Variants in ACTR3B observed in about 807,000 individuals in gnomAD.
ACTR3B encodes the protein actin related protein 3B.
Under a neutral mutation model 59.0 loss-of-function variants are expected in ACTR3B, and 8 were observed. The observed-to-expected ratio is 0.14, with a 90% CI of 0.08 to 0.24. The LOEUF is 0.24. Among genes scored for constraint, ACTR3B ranks in the 10% least tolerant of loss-of-function variants. ACTR3B has a pLI of 1.00. For synonymous variants in ACTR3B, 148 were observed against 197.9 expected, an observed-to-expected ratio of 0.75 and a Z score of 2.12; for missense variants, 245 against 552.3, an observed-to-expected ratio of 0.44 and a Z score of 5.58.
chr7:152,799,576 T>C (rs983298520), intron 2 of ACTR3B, among the ~76,000 whole-genome samples: 4 of 152,238 alleles, frequency 2.6e-5, no homozygotes, highest in Admixed American at 6.5e-5. Flanking sequence ...ATGGGGGTTA[T>C]CTGATGTCAA....
chr7:152,852,936 T>A (rs575914716), intron 10 of ACTR3B, among the ~76,000 whole-genome samples: 1 of 151,894 alleles, frequency 6.6e-6, no homozygotes. Flanking sequence ...GGACTACAGG[T>A]GCCCGCCACC....
chr7:152,782,207 A>G (rs2098156307), intron 1 of ACTR3B, among the ~76,000 whole-genome samples: 1 of 150,500 alleles, frequency 6.6e-6, no homozygotes, highest in African/African-American at 2.4e-5. Flanking sequence ...AAATTGAATG[A>G]ATAAAGTTAG....
intron 4 of ACTR3B, among the ~76,000 whole-genome samples, chr7:152,806,774 C>T (rs543825122): frequency 7.8e-4 from 119 of 152,336 alleles, no homozygotes; most frequent in African/African-American, 2.9e-3. Context: ...CTTAGTCATC[C>T]CTGTCCACAA....
chr7:152,787,130 C>G (rs1312283308), intron 2 of ACTR3B, among the ~76,000 whole-genome samples: 1 of 152,142 alleles, frequency 6.6e-6, no homozygotes, highest in East Asian at 1.9e-4. Context: ...GGAGGCTGTT[C>G]TGATGGATAT....
intron 9 of ACTR3B, among the ~76,000 whole-genome samples, chr7:152,831,912 C>T (rs1423544526): frequency 2.0e-5 from 3 of 152,250 alleles, no homozygotes; most frequent in East Asian, 1.9e-4. Context: ...GGAGGGGCCT[C>T]GCATGGAGTT....
At chr7:152,853,458 G>A (rs564738388) in intron 10 of ACTR3B, 36 bp from the exon 11 acceptor site, 4 of 1,594,030 alleles carry the variant, frequency 2.5e-6, no homozygotes, top group Non-Finnish European at 3.4e-6. Context: ...ATGTGTCTGT[G>A]GGTGTGGGGT....
In ACTR3B at chr7:152,855,160, T is replaced by G. The variant is rs1318679268; in HGVS notation, c.*607T>G. 6.5e-6 allele frequency: 1 copy of G among 152,738 alleles called. No individual in the cohort carries two copies. Among genetic ancestry groups the G allele is most frequent in the Non-Finnish European group, 1.5e-5 (1 of 68,110 alleles). 9.5% of individuals were successfully genotyped at this position (152,738 alleles called of 1,614,324 possible). A position where few individuals can be genotyped will look rare whatever the true frequency, so the allele number is the denominator to read the frequency against. On this transcript the variant is annotated 3_prime_UTR_variant, in exon 12 of 12. Transcript: ENST00000256001. ...AAACAGCAAACTTTTTTGCCACATGTTTGCTAGAAAATGATTATACTTTAT... is the reference window on the plus strand; with the variant it reads ...AAACAGCAAACTTTTTTGCCACATGGTTGCTAGAAAATGATTATACTTTAT...
At chr7:152,773,991 G>A (rs1307495214) in intron 1 of ACTR3B, among the ~76,000 whole-genome samples, 1 of 152,160 alleles carries the variant, frequency 6.6e-6, no homozygotes, top group Non-Finnish European at 1.5e-5. Context: ...AGTGTGTTGG[G>A]CTCGTTCTCA....
Position 152,854,057 on chromosome 7 carries a change from A to G in ACTR3B, c.1162-401A>G, listed in dbSNP as rs1332296032. Among the ~76,000 whole-genome samples the G allele has an allele frequency of 6.6e-6, 1 of 152,222 alleles. No individual in the cohort carries two copies. The highest frequency in any genetic ancestry group is 1.5e-5 in the Non-Finnish European group (1 of 68,036). On this transcript the variant is annotated intron_variant, in intron 11 of 11. Coordinates refer to ENST00000256001, the MANE Select transcript of ACTR3B (RefSeq NM_020445.6). This position sits in a 1 kb window ranked among gnomAD's most constrained non-coding sequence, Gnocchi z 4.9. ...ATAAACTATATCTTAATAATCACAC[A>G]ACACATTTATCACGTGTCCTTGCTA...
intron 1 of ACTR3B, among the ~76,000 whole-genome samples, chr7:152,766,930 G>A (rs571809868): frequency 4.1e-4 from 63 of 152,186 alleles, no homozygotes; most frequent in African/African-American, 1.4e-3. Context: ...GGGACTACAG[G>A]TGCATGCCAC....
chr7:152,849,476 T>C (rs1798625587), intron 9 of ACTR3B, among the ~76,000 whole-genome samples: 1 of 152,132 alleles, frequency 6.6e-6, no homozygotes, highest in African/African-American at 2.4e-5. Flanking sequence ...GATAACAAAA[T>C]ATTGTGGCAC....
intron 7 of ACTR3B, among the ~76,000 whole-genome samples, chr7:152,822,056 C>T (rs1796212114): frequency 6.6e-6 from 1 of 152,196 alleles, no homozygotes; most frequent in East Asian, 1.9e-4. Context: ...AACTGAATGC[C>T]TTTGTCTCCA....
intron 4 of ACTR3B, among the ~76,000 whole-genome samples, chr7:152,806,738 G>T (rs887360023): frequency 1.3e-5 from 2 of 152,172 alleles, no homozygotes; most frequent in Non-Finnish European, 2.9e-5. Context: ...TCCAGCTTTT[G>T]TGTCTTACTG....
At chr7:152,775,394 A>G (rs776043131) in intron 1 of ACTR3B, among the ~76,000 whole-genome samples, 2 of 152,090 alleles carry the variant, frequency 1.3e-5, no homozygotes, top group East Asian at 3.9e-4. Context: ...AAAAGTCTAC[A>G]TATTACTGCT....
Position 152,824,972 on chromosome 7 carries a change from A to G in ACTR3B, c.859-58A>G. The G allele has an allele frequency of 1.3e-6, 2 of 1,550,134 alleles. No homozygotes were observed. Among genetic ancestry groups the G allele is most frequent in the Non-Finnish European group, 8.8e-7 (1 of 1,132,414 alleles). The stretch of plus-strand genomic sequence containing the variant: ...TTAAAGTTACTTTAAAGAAGTGTGC[A>G]TGTTGTTCTATTTGAGAGAAATGTG... On this transcript the variant is annotated intron_variant, in intron 8 of 11. Coordinates refer to ENST00000256001, the MANE Select transcript of ACTR3B (RefSeq NM_020445.6). This position sits in a 1 kb window ranked among gnomAD's most constrained non-coding sequence, Gnocchi z 4.2.
chr7:152,789,296 G>A (rs567550858), intron 2 of ACTR3B, among the ~76,000 whole-genome samples: 2 of 149,248 alleles, frequency 1.3e-5, no homozygotes, highest in South Asian at 2.2e-4. Context: ...GGAGGCTGAG[G>A]TGGGATGATT....
At chr7:152,817,699 A>C (rs1795815511) in intron 6 of ACTR3B, among the ~76,000 whole-genome samples, 1 of 152,174 alleles carries the variant, frequency 6.6e-6, no homozygotes, top group Non-Finnish European at 1.5e-5. Context: ...ATGTTTCTGC[A>C]TATGTATATG....
Position 152,854,388 on chromosome 7 carries a change from G to C in ACTR3B, c.1162-70G>C. ...CCGGGATGAGGAGAGTGTCTTGCCT[G>C]CTTGGTAGCTGGTTCCCTTGACTTT... On this transcript the variant is annotated intron_variant, in intron 11 of 11. Coordinates refer to ENST00000256001, the MANE Select transcript of ACTR3B (RefSeq NM_020445.6). The surrounding 1 kb of genome is among the most constrained non-coding windows in gnomAD (Gnocchi z 4.9). 2 of 1,432,524 alleles carry C rather than the reference G, an allele frequency of 1.4e-6. No homozygotes were observed. Among genetic ancestry groups the C allele is most frequent in the Non-Finnish European group, 2.0e-6 (2 of 1,015,772 alleles). The allele number at this position is 1,432,524 out of a possible 1,614,324, so 88.7% of individuals were successfully genotyped here. A position where few individuals can be genotyped will look rare whatever the true frequency, so the allele number is the denominator to read the frequency against.
In ACTR3B at chr7:152,817,404, C is replaced by T. The variant is rs575723546; in HGVS notation, c.540+816C>T. Among the ~76,000 whole-genome samples, 4 of 152,138 alleles carry T rather than the reference C, an allele frequency of 2.6e-5. No homozygotes were observed. The South Asian group carries it at 8.3e-4, about 32-fold the overall frequency. On this transcript the variant is annotated intron_variant, in intron 6 of 11. Transcript: ENST00000256001. ...TCAAAAAAAAAAAAAATTTAAAAGC[C>T]AAGAAGGGGAGATTGTACATTTTGG...
Sources: allele counts gnomAD v4.1 joint callset (sites outside exome capture counted in the v4.1 genomes callset), GRCh38; gene constraint gnomAD v4.1.1; non-coding constraint Gnocchi (gnomAD v3.1); transcripts MANE v1.5; gene names NCBI Gene and HGNC (gene_info 2026-07-23, HGNC 2026-07-21).